UBQLN3: variants seen among roughly 807,000 people sequenced by gnomAD.
UBQLN3 encodes ubiquilin-3.
Under a neutral mutation model 2.9 loss-of-function variants are expected in UBQLN3, and 1 was observed. The ratio of observed to expected loss-of-function variants is 0.35; its 90% CI spans 0.12 to 1.66. The LOEUF is 1.66. Ranked by LOEUF, UBQLN3 falls within the 40% of genes most tolerant of loss-of-function variation. The pLI, the probability that UBQLN3 is intolerant of heterozygous loss-of-function variation, is 0.35. For synonymous variants in UBQLN3, 358 were observed against 317.6 expected, an observed-to-expected ratio of 1.13 and a Z score of -1.35; for missense variants, 924 against 816.5, an observed-to-expected ratio of 1.13 and a Z score of -1.61.
chr11:5,507,600 T>A lies in UBQLN3; in HGVS notation c.1959A>T (p.Arg653Ser), dbSNP rs1846396246. Residue 653 changes from arginine (R) to serine (S), a missense_variant, in exon 2 of 2, where the codon AGA (arginine) becomes AGT (serine). Arg to Ser is a moderately radical substitution (Grantham distance 110, BLOSUM62 -1). Coordinates refer to ENST00000311659, the MANE Select transcript of UBQLN3 (RefSeq NM_017481.4). ...GDVDAAVEKL[R>S]QS The stretch of plus-strand genomic sequence containing the variant: ...TGAATGAATAAGGCTCCTACGACTG[T>A]CTCAGCTTCTCCACAGCAGCATCCA... 6.2e-7 allele frequency: 1 copy of A among 1,605,652 alleles called. No individual in the cohort carries two copies. Among genetic ancestry groups the A allele is most frequent in the Admixed American group, 1.7e-5 (1 of 59,332 alleles).
At position 5,508,254 on chromosome 11, in the gene UBQLN3, A is replaced by G. The variant is rs1846414791; in HGVS notation, c.1305T>C (p.Thr435=). The change falls in exon 2 of 2, where the codon ACT becomes ACC. Residue 435 remains threonine (T), a synonymous_variant. Coordinates refer to ENST00000311659, the MANE Select transcript of UBQLN3 (RefSeq NM_017481.4). This position sits in a 1 kb window ranked among gnomAD's most constrained non-coding sequence, Gnocchi z 4.2. ...GDQDGAGKSS[T]GHSTNLPDLV... Reference sequence around the variant, plus strand: ...GATCAGGCAAGTTTGTGCTATGTCCAGTAGAGCTTTTCCCTGCACCATCTT... The same window carrying G: ...GATCAGGCAAGTTTGTGCTATGTCCGGTAGAGCTTTTCCCTGCACCATCTT... The G allele has an allele frequency of 6.2e-7, 1 of 1,613,946 alleles. No individual in the cohort carries two copies. The highest frequency in any genetic ancestry group is 8.5e-7 in the Non-Finnish European group (1 of 1,179,996).
At position 5,507,777 on chromosome 11, in the gene UBQLN3, G is replaced by A. The variant is rs1477344629; in HGVS notation, c.1782C>T (p.Pro594=). 1 of 1,614,108 alleles carries A rather than the reference G, an allele frequency of 6.2e-7. No homozygotes were observed. Among genetic ancestry groups the A allele is most frequent in the Non-Finnish European group, 8.5e-7 (1 of 1,180,016 alleles). The stretch of plus-strand genomic sequence containing the variant: ...CTAAATCTTGCAGCATATGGAGAAA[G>A]GGAGGGGAAAGGAAGCCCAGCTCTG... The part of the protein sequence containing the change: ...DSAELGFLSP[P]FLHMLQDLVS... The change falls in exon 2 of 2, where the codon CCC becomes CCT. Residue 594 remains proline (P), a synonymous_variant. Coordinates refer to ENST00000311659, the MANE Select transcript of UBQLN3 (RefSeq NM_017481.4).
rs755402265 is a variant in UBQLN3, at chr11:5,508,156, A to T, written c.1403T>A (p.Ile468Asn). ...APLSFSPTAA[I>N]PGIPEPPWLP... ...CCAGGGAGGCTCAGGGATTCCAGGA[A>T]TGGCTGCCGTGGGGGAAAAAGATAA... Residue 468 changes from isoleucine to asparagine, a missense_variant, in exon 2 of 2, where the codon ATT becomes AAT. Coordinates refer to ENST00000311659, the MANE Select transcript of UBQLN3 (RefSeq NM_017481.4). The surrounding 1 kb of genome is among the most constrained non-coding windows in gnomAD (Gnocchi z 4.2). The T allele has an allele frequency of 1.9e-6, 3 of 1,614,170 alleles. No individual in the cohort carries two copies. The highest frequency in any genetic ancestry group is 2.5e-6 in the Non-Finnish European group (3 of 1,180,032).
In UBQLN3 at chr11:5,507,497, A is replaced by T; in HGVS notation, c.*94T>A. On this transcript the variant is annotated 3_prime_UTR_variant, in exon 2 of 2. Transcript: ENST00000311659. The stretch of plus-strand genomic sequence containing the variant: ...AAGGACTTCATAGTAAATTTGGTTT[A>T]TAATGCAGCTGTATTCAAAAATGGG... The T allele has an allele frequency of 6.6e-7, 1 of 1,510,774 alleles. No individual in the cohort carries two copies. Among genetic ancestry groups the T allele is most frequent in the South Asian group, 1.4e-5 (1 of 73,348 alleles). 93.6% of individuals were successfully genotyped at this position (1,510,774 alleles called of 1,614,324 possible). A position where few individuals can be genotyped will look rare whatever the true frequency, so the allele number is the denominator to read the frequency against.
Position 5,508,391 on chromosome 11 carries a change from G to T in UBQLN3, c.1168C>A (p.Pro390Thr). 3 of 1,601,352 alleles carry T rather than the reference G, an allele frequency of 1.9e-6. No individual in the cohort carries two copies. The highest frequency in any genetic ancestry group is 2.6e-6 in the Non-Finnish European group (3 of 1,174,046). ...VPPSSPSSQEPGSGQPLPEES... is the reference protein window; with the variant it reads ...VPPSSPSSQETGSGQPLPEES... ...TCGGGGAGAGGCTGGCCTGACCCAG[G>T]CTCCTGAGATGAGGGTGACGATGGG... Residue 390 changes from proline to threonine, a missense_variant, in exon 2 of 2, where the codon CCT (proline) becomes ACT (threonine). Coordinates refer to ENST00000311659, the MANE Select transcript of UBQLN3 (RefSeq NM_017481.4). This position sits in a 1 kb window ranked among gnomAD's most constrained non-coding sequence, Gnocchi z 4.2.
In UBQLN3 at chr11:5,509,058, A is replaced by T. The variant is rs776814859; in HGVS notation, c.501T>A (p.Phe167Leu). The T allele has an allele frequency of 9.9e-6, 16 of 1,614,056 alleles. No individual in the cohort carries two copies. Among genetic ancestry groups the T allele is most frequent in the Non-Finnish European group, 2.5e-6 (3 of 1,180,024 alleles). The change falls in exon 2 of 2, where the codon TTT becomes TTA. Residue 167 changes from phenylalanine to leucine, a missense_variant. By Grantham distance (22) the Phe-to-Leu change is conservative. Coordinates refer to ENST00000311659, the MANE Select transcript of UBQLN3 (RefSeq NM_017481.4). Reference protein sequence around the residue: ...LMRQHVSVPEFVTQLIDDPFI... With the variant: ...LMRQHVSVPELVTQLIDDPFI... ...AGGGGTCATCAATGAGCTGAGTCAC[A>T]AACTCAGGCACAGACACATGCTGCC...
Position 5,509,188 on chromosome 11 carries a change from T to C in UBQLN3, c.371A>G (p.Tyr124Cys). 1 of 1,613,762 alleles carries C rather than the reference T, an allele frequency of 6.2e-7. No homozygotes were observed. The highest frequency in any genetic ancestry group is 8.5e-7 in the Non-Finnish European group (1 of 1,179,856). Residue 124 changes from tyrosine (Y) to cysteine (C), a missense_variant, in exon 2 of 2, where the codon TAC (tyrosine) becomes TGC (cysteine). Transcript: ENST00000311659. ...PGSLPQPSSI[Y>C]PADGPPAFSL... ...AAAGGCAGGGGGCCCATCTGCTGGGTAAATGGAGCTTGGCTGAGGGAGTGA... is the reference window on the plus strand; with the variant it reads ...AAAGGCAGGGGGCCCATCTGCTGGGCAAATGGAGCTTGGCTGAGGGAGTGA...
rs939034377 is a variant in UBQLN3 at position 5,507,670 on chromosome 11, T to C, written c.1889A>G (p.Asn630Ser). Reference sequence around the variant, plus strand: ...GAGGGCCTGAAGATTGGCTTCACGATTCAGAAAGCCCATGGACCGCAGTTG... The same window carrying C: ...GAGGGCCTGAAGATTGGCTTCACGACTCAGAAAGCCCATGGACCGCAGTTG... ...LEQLRSMGFL[N>S]REANLQALIA... The change falls in exon 2 of 2, where the codon AAT becomes AGT. Residue 630 changes from asparagine to serine, a missense_variant. Physicochemically the swap from Asn to Ser is conservative, Grantham distance 46. Transcript: ENST00000311659. 1.2e-6 allele frequency: 2 copies of C among 1,614,048 alleles called. No individual in the cohort carries two copies. Among genetic ancestry groups the C allele is most frequent in the Non-Finnish European group, 1.7e-6 (2 of 1,180,008 alleles).
chr11:5,508,687 CTGG>C lies in UBQLN3; in HGVS notation c.869_871del (p.Thr290del), dbSNP rs752675976. ...ACAATTCTCCATCCTTGAAGGTTGG[CTGG>C]TGGTGGTGGTGGCATTATCAGTAGT... On this transcript the variant is annotated inframe_deletion, in exon 2 of 2. Coordinates refer to ENST00000311659, the MANE Select transcript of UBQLN3 (RefSeq NM_017481.4). The surrounding 1 kb of genome is among the most constrained non-coding windows in gnomAD (Gnocchi z 4.2). 24 of 1,613,782 alleles carry C rather than the reference CTGG, an allele frequency of 1.5e-5. No homozygotes were observed. The East Asian group carries it at 1.8e-4, about 12-fold the overall frequency.
rs1846410088 is a variant in UBQLN3, at chr11:5,508,060, T to A, written c.1499A>T (p.Glu500Val). ...CAGCAGTGGCAGCTGTGGTTGTATC[T>A]CATCCTGTAACTGTGGAGCTGGATT... ...GMNPAPQLQD[E>V]IQPQLPLLMH... The change falls in exon 2 of 2, where the codon GAG becomes GTG. Residue 500 changes from glutamate to valine, a missense_variant. Coordinates refer to ENST00000311659, the MANE Select transcript of UBQLN3 (RefSeq NM_017481.4). This position sits in a 1 kb window ranked among gnomAD's most constrained non-coding sequence, Gnocchi z 4.2. 1.2e-6 allele frequency: 2 copies of A among 1,613,940 alleles called. No individual in the cohort carries two copies. Among genetic ancestry groups the A allele is most frequent in the Non-Finnish European group, 1.7e-6 (2 of 1,180,028 alleles).
In UBQLN3 at chr11:5,507,986, G is replaced by A. The variant is rs746256121; in HGVS notation, c.1573C>T (p.Arg525Trp). 26 of 1,613,894 alleles carry A rather than the reference G, an allele frequency of 1.6e-5. No individual in the cohort carries two copies. The highest frequency in any genetic ancestry group is 3.3e-4 in the Middle Eastern group (2 of 6,084). Residue 525 changes from arginine (R) to tryptophan (W), a missense_variant, in exon 2 of 2, where the codon CGG (arginine) becomes TGG (tryptophan). Transcript: ENST00000311659. ...MANPRALQALRQIEQGLQVLA... is the reference protein window; with the variant it reads ...MANPRALQALWQIEQGLQVLA... ...ACCTGTAGACCCTGCTCAATCTGCC[G>A]CAGGGCTTGCAGGGCACGGGGGTTT...
Position 5,509,260 on chromosome 11 carries a change from T to G in UBQLN3, c.299A>C (p.Asn100Thr). Residue 100 changes from asparagine to threonine, a missense_variant, in exon 2 of 2, where the codon AAT (asparagine) becomes ACT (threonine). Asn to Thr is a moderately conservative substitution (Grantham distance 65, BLOSUM62 0). Coordinates refer to ENST00000311659, the MANE Select transcript of UBQLN3 (RefSeq NM_017481.4). ...VIKRQHRAMGNECPAASVPTQ... is the reference protein window; with the variant it reads ...VIKRQHRAMGTECPAASVPTQ... ...AGGGACAGAGGCAGCTGGGCACTCA[T>G]TGCCCATGGCACGGTGCTGCCTCTT... 1 of 1,614,176 alleles carries G rather than the reference T, an allele frequency of 6.2e-7. No homozygotes were observed. Among genetic ancestry groups the G allele is most frequent in the Non-Finnish European group, 8.5e-7 (1 of 1,180,024 alleles).
In UBQLN3 at chr11:5,507,547, A is replaced by G. The variant is rs1846394987; in HGVS notation, c.*44T>C. The G allele has an allele frequency of 6.5e-7, 1 of 1,528,058 alleles. No individual in the cohort carries two copies. Among genetic ancestry groups the G allele is most frequent in the Non-Finnish European group, 8.8e-7 (1 of 1,137,822 alleles). 94.7% of individuals were successfully genotyped at this position (1,528,058 alleles called of 1,614,324 possible). ...GAGAGCTAGGGAACTAGGATATGGGAAAAAGGCACAGAGGAAAACGTATGG... is the reference window on the plus strand; with the variant it reads ...GAGAGCTAGGGAACTAGGATATGGGGAAAAGGCACAGAGGAAAACGTATGG... On this transcript the variant is annotated 3_prime_UTR_variant, in exon 2 of 2. Transcript: ENST00000311659.
At position 5,509,523 on chromosome 11, in the gene UBQLN3, G is replaced by C; in HGVS notation, c.36C>G (p.Ser12Arg). ...GGTGGGGATCCTGGACTGGTGCTGG[G>C]CTGCCCTGTGGCAGGGCTTCTCCAC... ...AKGGEALPQG[S>R]PAPVQDPHLI... Residue 12 changes from serine to arginine, a missense_variant, in exon 2 of 2, where the codon AGC becomes AGG. By Grantham distance (110) the Ser-to-Arg change is moderately radical (BLOSUM62 -1). Coordinates refer to ENST00000311659, the MANE Select transcript of UBQLN3 (RefSeq NM_017481.4). 1.9e-6 allele frequency: 3 copies of C among 1,614,088 alleles called. No individual in the cohort carries two copies. The highest frequency in any genetic ancestry group is 2.5e-6 in the Non-Finnish European group (3 of 1,179,972).
rs747089574 is a variant in UBQLN3 at position 5,508,675 on chromosome 11, C to T, written c.884G>A (p.Arg295Lys). The T allele has an allele frequency of 1.9e-6, 3 of 1,613,948 alleles. No homozygotes were observed. The change falls in exon 2 of 2, where the codon AGG becomes AAG. Residue 295 changes from arginine (R) to lysine (K), a missense_variant. Physicochemically the swap from Arg to Lys is conservative, Grantham distance 26. Transcript: ENST00000311659. The surrounding 1 kb of genome is among the most constrained non-coding windows in gnomAD (Gnocchi z 4.2). ...NATTTTSQPSRMENCDPLPNP... is the reference protein window; with the variant it reads ...NATTTTSQPSKMENCDPLPNP... The stretch of plus-strand genomic sequence containing the variant: ...GGGGAGAGGGTCACAATTCTCCATC[C>T]TTGAAGGTTGGCTGGTGGTGGTGGT...
In UBQLN3 at chr11:5,509,105, C is replaced by G. The variant is rs200905897; in HGVS notation, c.454G>C (p.Asp152His). 1.2e-4 allele frequency: 197 copies of G among 1,613,996 alleles called. No individual in the cohort carries two copies. The highest frequency in any genetic ancestry group is 5.3e-4 in the Admixed American group (32 of 60,004). Residue 152 changes from aspartate (D) to histidine (H), a missense_variant, in exon 2 of 2, where the codon GAC (aspartate) becomes CAC (histidine). Transcript: ENST00000311659. ...RLGLAYRGFP[D>H]QPSSLMRQHV... is the part of the protein sequence containing the mutation. ...TGCCGCATCAGGGAGCTTGGCTGGT[C>G]AGGGAAGCCACGATAGGCCAAGCCC...
Position 5,508,514 on chromosome 11 carries a change from A to T in UBQLN3, c.1045T>A (p.Leu349Ile), listed in dbSNP as rs1846420371. 1 of 1,613,910 alleles carries T rather than the reference A, an allele frequency of 6.2e-7. No individual in the cohort carries two copies. Reference protein sequence around the residue: ...IIRLYDYLQQLHENPQSLGTY... With the variant: ...IIRLYDYLQQIHENPQSLGTY... ...CCTAGGGACTGGGGGTTCTCGTGTA[A>T]TTGCTGGAGATAGTCATAGAGCCTT... Residue 349 changes from leucine (L) to isoleucine (I), a missense_variant, in exon 2 of 2, where the codon TTA becomes ATA. Leu to Ile is a conservative substitution (Grantham distance 5). Coordinates refer to ENST00000311659, the MANE Select transcript of UBQLN3 (RefSeq NM_017481.4). This position sits in a 1 kb window ranked among gnomAD's most constrained non-coding sequence, Gnocchi z 4.2.
In UBQLN3 at chr11:5,509,040, A is replaced by T. The variant is rs771899984; in HGVS notation, c.519T>A (p.Asp173Glu). 2.0e-5 allele frequency: 33 copies of T among 1,614,182 alleles called. No individual in the cohort carries two copies. The East Asian group carries it at 6.2e-4, about 31-fold the overall frequency. The change falls in exon 2 of 2, where the codon GAT becomes GAA. Residue 173 changes from aspartate to glutamate, a missense_variant. Transcript: ENST00000311659. Reference sequence around the variant, plus strand: ...ACAGCAGACCCGGGATGAAGGGGTCATCAATGAGCTGAGTCACAAACTCAG... The same window carrying T: ...ACAGCAGACCCGGGATGAAGGGGTCTTCAATGAGCTGAGTCACAAACTCAG... ...SVPEFVTQLI[D>E]DPFIPGLLSN...
rs1046995769 is a variant in UBQLN3 at position 5,508,085 on chromosome 11, T to A, written c.1474A>T (p.Asn492Tyr). 4 of 1,614,030 alleles carry A rather than the reference T, an allele frequency of 2.5e-6. No homozygotes were observed. Among genetic ancestry groups the A allele is most frequent in the Non-Finnish European group, 3.4e-6 (4 of 1,180,046 alleles). Residue 492 changes from asparagine to tyrosine, a missense_variant, in exon 2 of 2, where the codon AAT (asparagine) becomes TAT (tyrosine). Asn to Tyr is a moderately radical substitution (Grantham distance 143). Transcript: ENST00000311659. This position sits in a 1 kb window ranked among gnomAD's most constrained non-coding sequence, Gnocchi z 4.2. ...TCATCCTGTAACTGTGGAGCTGGATTCATGCCATCTGGCCTCAGAGATCTT... is the reference window on the plus strand; with the variant it reads ...TCATCCTGTAACTGTGGAGCTGGATACATGCCATCTGGCCTCAGAGATCTT... ...YPRSLRPDGMNPAPQLQDEIQ... is the reference protein window; with the variant it reads ...YPRSLRPDGMYPAPQLQDEIQ...
Sources: allele counts gnomAD v4.1 joint callset, GRCh38; gene constraint gnomAD v4.1.1; non-coding constraint Gnocchi (gnomAD v3.1); transcripts MANE v1.5; gene names NCBI Gene and HGNC (gene_info 2026-07-23, HGNC 2026-07-21).